PCDHGA4: variants seen among roughly 807,000 people sequenced by gnomAD.
PCDHGA4 encodes protocadherin gamma subfamily A, 4.
PCDHGA4 carries 38 observed loss-of-function variants against 54.6 expected under a neutral mutation model. The ratio of observed to expected loss-of-function variants is 0.70; its 90% CI spans 0.54 to 0.91. The LOEUF (loss-of-function observed/expected upper bound fraction) is 0.91. Among genes scored for constraint, PCDHGA4 ranks in the 40% least tolerant of loss-of-function variants. PCDHGA4 has a pLI of 0.00. For synonymous variants in PCDHGA4, 511 were observed against 512.9 expected (o/e 1.00, Z 0.05); for missense variants, 1,298 against 1,220.9 (o/e 1.06, Z -0.94).
intron 1 of PCDHGA4, chr5:141,360,621 T>A: frequency 6.2e-7 from 1 of 1,614,026 alleles, no homozygotes; most frequent in Non-Finnish European, 8.5e-7. Flanking sequence ...ATTCAGATGT[T>A]GGTCCTAACT....
chr5:141,443,947 T>C (rs2098410978), intron 1 of PCDHGA4, among the ~76,000 whole-genome samples: 1 of 152,082 alleles, frequency 6.6e-6, no homozygotes, highest in Non-Finnish European at 1.5e-5. Flanking sequence ...GGTTTCCTTA[T>C]TGGTATGTAT....
Position 141,356,820 on chromosome 5 carries a change from T to C in PCDHGA4, c.1713T>C (p.Pro571=). The C allele has an allele frequency of 1.2e-6, 2 of 1,614,068 alleles. No homozygotes were observed. Among genetic ancestry groups the C allele is most frequent in the South Asian group, 2.2e-5 (2 of 91,084 alleles). Residue 571 remains proline, a synonymous_variant, in exon 1 of 4, where the codon CCT becomes CCC. Transcript: ENST00000571252. ...TGACAGCCAGTGACAGTGGAGACCC[T>C]CCACTCAGCAGCAATGTGTCACTGA... ...LLMTASDSGD[P]PLSSNVSLSL...
chr5:141,470,577 C>T (rs75062402), intron 1 of PCDHGA4, among the ~76,000 whole-genome samples: 8,307 of 152,270 alleles, frequency 0.055, 479 homozygotes, highest in African/African-American at 0.15. Flanking sequence ...GCAGGATCAA[C>T]TTCATAGGCA....
chr5:141,383,880 T>A, intron 1 of PCDHGA4: 2 of 1,613,994 alleles, frequency 1.2e-6, no homozygotes, highest in Non-Finnish European at 1.7e-6. Context: ...GTCCTGGTAG[T>A]CTGACAAAGG....
intron 1 of PCDHGA4, among the ~76,000 whole-genome samples, chr5:141,446,727 A>G (rs546345866): frequency 6.6e-6 from 1 of 152,258 alleles, no homozygotes; most frequent in African/African-American, 2.4e-5. Context: ...TCGGCCTCCC[A>G]AAGTGTGGGG....
chr5:141,430,477 A>G (rs1329218924), intron 1 of PCDHGA4: 1 of 244,524 alleles, frequency 4.1e-6, no homozygotes, highest in Non-Finnish European at 7.7e-6. Context: ...TATTTAAGAT[A>G]TAAAAACGAA....
rs962326553 is a variant in PCDHGA4 at position 141,387,971 on chromosome 5, C to T, written c.2514+30350C>T. 1.0e-5 allele frequency: 15 copies of T among 1,489,894 alleles called. 1 individual carries two copies. Among genetic ancestry groups the T allele is most frequent in the Non-Finnish European group, 1.3e-5 (14 of 1,108,812 alleles). The allele number at this position is 1,489,894 out of a possible 1,614,324, so 92.3% of individuals were successfully genotyped here. ...TGCTGTCTTTGTTCTGCCCGGCGCT[C>T]TGTGAGCAGATCCGCTACAGGATTC... On this transcript the variant is annotated intron_variant, in intron 1 of 3. Transcript: ENST00000571252.
chr5:141,400,694 C>G, intron 1 of PCDHGA4: 2 of 763,776 alleles, frequency 2.6e-6, no homozygotes, highest in Non-Finnish European at 4.2e-6. Flanking sequence ...GTTTTTATGT[C>G]GCATAAAAGA....
Position 141,410,515 on chromosome 5 carries a change from G to A in PCDHGA4, c.2514+52894G>A, listed in dbSNP as rs373451539. The A allele has an allele frequency of 1.9e-6, 3 of 1,613,828 alleles. No homozygotes were observed. The African/African-American group carries it at 4.0e-5, about 22-fold the overall frequency. On this transcript the variant is annotated intron_variant, in intron 1 of 3. Coordinates refer to ENST00000571252, the MANE Select transcript of PCDHGA4 (RefSeq NM_018917.4). ...AGTTTAATTTCCTAAAATGCAGTGT[G>A]CCCCTACATTCCAATGAAGACATGG...
Position 141,383,223 on chromosome 5 carries a change from C to T in PCDHGA4, c.2514+25602C>T, listed in dbSNP as rs76873890. The T allele has an allele frequency of 1.7e-3, 2,674 of 1,613,922 alleles. 41 individuals are homozygous for T. In the African/African-American group the frequency reaches 0.031, roughly 19 times the overall value. Reference sequence around the variant, plus strand: ...CGCGGTGTCTGGTAAACTTTAACATCCTGATGGAAGATAAAATGAATCTTT... The same window carrying T: ...CGCGGTGTCTGGTAAACTTTAACATTCTGATGGAAGATAAAATGAATCTTT... On this transcript the variant is annotated intron_variant, in intron 1 of 3. Transcript: ENST00000571252.
chr5:141,366,847 A>G, intron 1 of PCDHGA4: 1 of 1,478,860 alleles, frequency 6.8e-7, no homozygotes. Context: ...TTATGTAAAT[A>G]GTGGAACATT....
At chr5:141,484,750 GTA>G (rs545232987) in intron 1 of PCDHGA4, among the ~76,000 whole-genome samples, 18 of 149,824 alleles carry the variant, frequency 1.2e-4, no homozygotes, top group Admixed American at 4.7e-4. Flanking sequence ...GAAAAAAAAT[GTA>G]TATATATATA....
Position 141,486,151 on chromosome 5 carries a change from T to C in PCDHGA4, c.2515-8656T>C, listed in dbSNP as rs570065848. The C allele has an allele frequency of 2.7e-5, 44 of 1,613,914 alleles. No individual in the cohort carries two copies. In the South Asian group the frequency reaches 4.3e-4, roughly 16 times the overall value. ...TTGATGTGCGGGCTCGCGATGGGGGTTCTCCAGCCATGGAGCAACATTGCA... is the reference window on the plus strand; with the variant it reads ...TTGATGTGCGGGCTCGCGATGGGGGCTCTCCAGCCATGGAGCAACATTGCA... On this transcript the variant is annotated intron_variant, in intron 1 of 3. Transcript: ENST00000571252. The surrounding 1 kb of genome is among the most constrained non-coding windows in gnomAD (Gnocchi z 5.0).
Position 141,476,855 on chromosome 5 carries a change from T to C in PCDHGA4, c.2515-17952T>C, listed in dbSNP as rs149491772. The C allele has an allele frequency of 3.2e-4, 519 of 1,613,836 alleles. 3 individuals carry two copies. The African/African-American group carries it at 6.2e-3, about 19-fold the overall frequency. Reference sequence around the variant, plus strand: ...TGACAATGCGCCTGTCTTCAACCAGTCCTTGTACCGGGCGCGCGTCCTGGA... The same window carrying C: ...TGACAATGCGCCTGTCTTCAACCAGCCCTTGTACCGGGCGCGCGTCCTGGA... On this transcript the variant is annotated intron_variant, in intron 1 of 3. Coordinates refer to ENST00000571252, the MANE Select transcript of PCDHGA4 (RefSeq NM_018917.4). This position sits in a 1 kb window ranked among gnomAD's most constrained non-coding sequence, Gnocchi z 7.6.
At position 141,356,685 on chromosome 5, in the gene PCDHGA4, C is replaced by A; in HGVS notation, c.1578C>A (p.Thr526=). The A allele has an allele frequency of 1.2e-6, 2 of 1,613,994 alleles. No individual in the cohort carries two copies. The highest frequency in any genetic ancestry group is 1.1e-5 in the South Asian group (1 of 91,088). ...ARITYSLAED[T]FQGAPLSSYV... is the part of the protein sequence containing the mutation. ...TCACTTACTCCCTGGCCGAAGACAC[C>A]TTCCAGGGTGCACCTCTGTCCTCCT... Residue 526 remains threonine (T), a synonymous_variant, in exon 1 of 4, where the codon ACC becomes ACA. Coordinates refer to ENST00000571252, the MANE Select transcript of PCDHGA4 (RefSeq NM_018917.4).
In PCDHGA4 at chr5:141,394,482, G is replaced by T. The variant is rs751618237; in HGVS notation, c.2514+36861G>T. On this transcript the variant is annotated intron_variant, in intron 1 of 3. Coordinates refer to ENST00000571252, the MANE Select transcript of PCDHGA4 (RefSeq NM_018917.4). ...GAGCCTGTTCGTGCTGGACCAGAAT[G>T]ACAACGCGCCCGAGATCCTGTACCC... 8 of 1,614,122 alleles carry T rather than the reference G, an allele frequency of 5.0e-6. No homozygotes were observed. The African/African-American group carries it at 1.1e-4, about 22-fold the overall frequency.
intron 1 of PCDHGA4, chr5:141,387,823 A>G: frequency 6.3e-7 from 1 of 1,581,002 alleles, no homozygotes; most frequent in South Asian, 1.2e-5. Context: ...AATCTGCAAT[A>G]CAGAGGTTAT....
chr5:141,455,795 C>T (rs1251703490), intron 1 of PCDHGA4, among the ~76,000 whole-genome samples: 1 of 151,960 alleles, frequency 6.6e-6, no homozygotes, highest in African/African-American at 2.4e-5. Flanking sequence ...TCCGGAGATG[C>T]TTTAAAAAAT....
intron 1 of PCDHGA4, chr5:141,428,285 C>G (rs765814584): frequency 1.1e-5 from 8 of 734,934 alleles, no homozygotes; most frequent in Non-Finnish European, 1.7e-5. Context: ...GATTCCCAAG[C>G]AAAGCTGCAG....
Sources: gnomAD v4.1 joint callset for allele counts (sites outside exome capture counted in the v4.1 genomes callset) on GRCh38, gnomAD v4.1.1 for gene constraint, Gnocchi (gnomAD v3.1) non-coding constraint, MANE v1.5 for transcripts, NCBI Gene and HGNC (gene_info 2026-07-23, HGNC 2026-07-21) for gene names.